The following DNAH10 variants were observed in gnomAD, a reference collection of about 807,000 sequenced individuals.
DNAH10 encodes the protein axonemal beta dynein heavy chain 10.
Under a neutral mutation model 506.6 loss-of-function variants are expected in DNAH10, and 348 were observed. The ratio of observed to expected loss-of-function variants is 0.69; its 90% CI spans 0.63 to 0.75. The LOEUF (loss-of-function observed/expected upper bound fraction) is 0.75. Among genes scored for constraint, DNAH10 ranks in the 30% least tolerant of loss-of-function variants. The pLI, the probability that DNAH10 is intolerant of heterozygous loss-of-function variation, is 0.00. For missense variants in DNAH10, 5,179 were observed against 5,787.1 expected, an observed-to-expected ratio of 0.89 and a Z score of 3.41; for synonymous variants, 2,059 against 2,198.6, an observed-to-expected ratio of 0.94 and a Z score of 1.78.
intron 65 of DNAH10, 23 bp from the exon 66 acceptor site, chr12:123,923,740 A>G (rs755355530): frequency 9.8e-6 from 15 of 1,530,108 alleles, no homozygotes; most frequent in African/African-American, 2.8e-5. Context: ...AGAAATCAAT[A>G]CTCATCTGAT....
rs747623341 is a variant in DNAH10 at position 123,875,288 on chromosome 12, G to A, written c.7996G>A (p.Gly2666Ser). ...CTTGCTGAAGCTGCTGTTGGAAAAAGGCTACTTATATGACCGTGGGAAGGA... is the reference window on the plus strand; with the variant it reads ...CTTGCTGAAGCTGCTGTTGGAAAAAAGCTACTTATATGACCGTGGGAAGGA... The part of the protein sequence containing the change: ...IALLKLLLEK[G>S]YLYDRGKELN... Residue 2666 changes from glycine (G) to serine (S), a missense_variant, in exon 47 of 79, where the codon GGC (glycine) becomes AGC (serine). Gly to Ser is a moderately conservative substitution (Grantham distance 56). Coordinates refer to ENST00000673944, the MANE Select transcript of DNAH10 (RefSeq NM_001372106.1). 2 of 1,613,124 alleles carry A rather than the reference G, an allele frequency of 1.2e-6. No individual in the cohort carries two copies. The highest frequency in any genetic ancestry group is 1.1e-5 in the South Asian group (1 of 90,946).
intron 23 of DNAH10, 46 bp downstream of exon 23, chr12:123,819,296 T>C: frequency 1.4e-6 from 2 of 1,414,246 alleles, no homozygotes; most frequent in South Asian, 1.2e-5. Context: ...GAGTAGCAAA[T>C]GTTTGAGTAT....
intron 1 of DNAH10, among the ~76,000 whole-genome samples, chr12:123,765,564 T>TCTATC (rs1555302003): frequency 0.053 from 7,983 of 149,382 alleles, 470 homozygotes; most frequent in African/African-American, 0.14. Flanking sequence ...TATCTATACT[T>TCTATC]TATCTATCTA....
intron 5 of DNAH10, 68 bp downstream of exon 5, chr12:123,774,332 C>A (rs1957361340): frequency 1.6e-6 from 2 of 1,253,926 alleles, no homozygotes; most frequent in South Asian, 2.8e-5. Context: ...GTTTATTCCA[C>A]AAATAGGTAG....
intron 12 of DNAH10, among the ~76,000 whole-genome samples, chr12:123,795,133 T>G (rs1490207586): frequency 9.0e-6 from 1 of 110,498 alleles, no homozygotes; most frequent in Non-Finnish European, 1.7e-5. Context: ...GGGCGACGAG[T>G]GAAACTTCGT....
chr12:123,771,588 T>G lies in DNAH10; in HGVS notation c.299-13T>G. On this transcript the variant is annotated splice_polypyrimidine_tract_variant and intron_variant, in intron 2 of 78. Transcript: ENST00000673944. ...TCTGATTATTTTCTCTTAAACTGAT[T>G]GCTGTTTTGCAGCTAAGCGTGTGTC... is the stretch of plus-strand genomic sequence containing the variant. The G allele has an allele frequency of 6.2e-7, 1 of 1,609,928 alleles. No homozygotes were observed. The highest frequency in any genetic ancestry group is 8.5e-7 in the Non-Finnish European group (1 of 1,177,130).
chr12:123,824,568 G>T (rs1299964923), intron 24 of DNAH10, among the ~76,000 whole-genome samples: 1 of 152,182 alleles, frequency 6.6e-6, no homozygotes, highest in African/African-American at 2.4e-5. Context: ...GAAAACAACA[G>T]AAATGTATCT....
At chr12:123,908,771 C>T (rs1043692812) in intron 57 of DNAH10, among the ~76,000 whole-genome samples, 2 of 152,152 alleles carry the variant, frequency 1.3e-5, no homozygotes, top group Admixed American at 6.5e-5. Flanking sequence ...CCCCAGGCTT[C>T]CCAGGCGGTG....
intron 28 of DNAH10, among the ~76,000 whole-genome samples, chr12:123,836,609 G>C (rs1421358711): frequency 6.6e-6 from 1 of 152,170 alleles, no homozygotes; most frequent in Non-Finnish European, 1.5e-5. Context: ...TAGCTTTGCT[G>C]CTGTGTTCTT....
intron 47 of DNAH10, among the ~76,000 whole-genome samples, chr12:123,877,226 T>G (rs945557886): frequency 6.6e-6 from 1 of 152,178 alleles, no homozygotes; most frequent in African/African-American, 2.4e-5. Flanking sequence ...GCACGTGGCT[T>G]TCTGTGCCTG....
rs371248598 is a variant in DNAH10, at chr12:123,861,137, A to G, written c.6875A>G (p.Glu2292Gly). Residue 2292 changes from glutamate to glycine, a missense_variant, in exon 39 of 79, where the codon GAA (glutamate) becomes GGA (glycine). Glu to Gly is a moderately conservative substitution (Grantham distance 98). This residue lies in a region of DNAH10 where 4,844 missense variants were observed against 5,430.5 expected (regional missense o/e 0.89). Transcript: ENST00000673944. ...GGGGTGTTGTCAAACATCTTCAGGG[A>G]AATCAACAAGCCAACAGACAAGAAG... Reference protein sequence around the residue: ...TDGVLSNIFREINKPTDKKER... With the variant: ...TDGVLSNIFRGINKPTDKKER... 5.6e-6 allele frequency: 9 copies of G among 1,613,850 alleles called. No individual in the cohort carries two copies. The African/African-American group carries it at 1.2e-4, about 22-fold the overall frequency.
intron 60 of DNAH10, 28 bp from the exon 61 acceptor site, chr12:123,914,301 C>T (rs759403326): frequency 6.8e-5 from 106 of 1,564,512 alleles, no homozygotes; most frequent in Admixed American, 1.2e-4. Flanking sequence ...GGTAAACTCA[C>T]GGCAGCCTCC....
In DNAH10 at chr12:123,894,549, C is replaced by T. The variant is rs1349725403; in HGVS notation, c.9200-94C>T. On this transcript the variant is annotated intron_variant, in intron 53 of 78. Coordinates refer to ENST00000673944, the MANE Select transcript of DNAH10 (RefSeq NM_001372106.1). The stretch of plus-strand genomic sequence containing the variant: ...CTGGGATTACAGGTGTGAGCCACCA[C>T]ACCCGGCCCTGATTTTTGTATTTTT... The T allele has an allele frequency of 5.9e-6, 7 of 1,181,754 alleles. No individual in the cohort carries two copies. The Admixed American group carries it at 9.9e-5, about 17-fold the overall frequency. The allele number at this position is 1,181,754 out of a possible 1,614,324, so 73.2% of individuals were successfully genotyped here.
At chr12:123,777,389 AAG>A (rs1331823638) in intron 5 of DNAH10, among the ~76,000 whole-genome samples, 4 of 152,230 alleles carry the variant, frequency 2.6e-5, no homozygotes, top group Non-Finnish European at 4.4e-5. Context: ...GGAAGTCAAG[AAG>A]GCACAGGCAA....
At chr12:123,784,221 G>C in intron 8 of DNAH10, 44 bp downstream of exon 8, 3 of 1,551,276 alleles carry the variant, frequency 1.9e-6, no homozygotes, top group Non-Finnish European at 1.8e-6. Flanking sequence ...CTGTCAAAGA[G>C]ATTTCATATG....
At chr12:123,892,918 C>T (rs1381793581) in intron 52 of DNAH10, among the ~76,000 whole-genome samples, 2 of 152,220 alleles carry the variant, frequency 1.3e-5, no homozygotes, top group South Asian at 4.1e-4. Flanking sequence ...GGGGCAAATC[C>T]CAGCTGAGAA....
chr12:123,762,799 T>C lies in DNAH10; in HGVS notation c.214+249T>C, dbSNP rs1956877532. Reference sequence around the variant, plus strand: ...TGAAAAATCACAGCAAACACTGACTTAGCCCGCACCCCGTGCCAGGTGCGG... The same window carrying C: ...TGAAAAATCACAGCAAACACTGACTCAGCCCGCACCCCGTGCCAGGTGCGG... On this transcript the variant is annotated intron_variant, in intron 1 of 78. Coordinates refer to ENST00000673944, the MANE Select transcript of DNAH10 (RefSeq NM_001372106.1). This position sits in a 1 kb window ranked among gnomAD's most constrained non-coding sequence, Gnocchi z 5.0. 6.6e-6 allele frequency among the ~76,000 whole-genome samples: 1 copy of C among 152,224 alleles called. No homozygotes were observed. Among genetic ancestry groups the C allele is most frequent in the Admixed American group, 6.5e-5 (1 of 15,276 alleles).
chr12:123,890,394 T>G (rs1000842981), intron 52 of DNAH10, among the ~76,000 whole-genome samples: 1 of 151,708 alleles, frequency 6.6e-6, no homozygotes, highest in Non-Finnish European at 1.5e-5. Flanking sequence ...TCCCAGCCTT[T>G]CGAGTAGCTG....
rs548923360 is a variant in DNAH10 at position 123,767,459 on chromosome 12, A to G, written c.215-147A>G. On this transcript the variant is annotated intron_variant, in intron 1 of 78. Transcript: ENST00000673944. The stretch of plus-strand genomic sequence containing the variant: ...CACTGAAAGCTGGCTCCATCCAGTA[A>G]GGAATACTGCTGTACCACTGTAACA... 2.7e-4 allele frequency: 181 copies of G among 682,386 alleles called. 1 individual carries two copies. The South Asian group carries it at 3.3e-3, about 12-fold the overall frequency. The allele number at this position is 682,386 out of a possible 1,614,324, so 42.3% of individuals were successfully genotyped here.
Sources: allele counts gnomAD v4.1 joint callset (sites outside exome capture counted in the v4.1 genomes callset), GRCh38; gene constraint gnomAD v4.1.1; regional missense constraint gnomAD v4.1.1; non-coding constraint Gnocchi (gnomAD v3.1); transcripts MANE v1.5; gene names NCBI Gene and HGNC (gene_info 2026-07-23, HGNC 2026-07-21).